The following THSD7B variants were observed in gnomAD, a reference collection of about 807,000 sequenced individuals.
The protein encoded by THSD7B is thrombospondin type 1 domain containing 7B.
THSD7B carries 138 observed loss-of-function variants against 213.6 expected under a neutral mutation model. The ratio of observed to expected loss-of-function variants is 0.65; its 90% CI spans 0.56 to 0.74. The LOEUF is 0.74. Ranked by LOEUF, THSD7B falls within the 30% of genes least tolerant of loss-of-function variation. The probability of loss-of-function intolerance (pLI) is 0.00; values close to 1 mark genes in which losing one functional copy is unlikely to be tolerated. For synonymous variants in THSD7B, 742 were observed against 687.0 expected (o/e 1.08, Z -1.25); for missense variants, 1,931 against 1,991.5 (o/e 0.97, Z 0.58).
At chr2:137,006,894 A>C (rs1293152334) in intron 2 of THSD7B, among the ~76,000 whole-genome samples, 1 of 152,154 alleles carries the variant, frequency 6.6e-6, no homozygotes, top group Non-Finnish European at 1.5e-5. Flanking sequence ...ACCAGCACTA[A>C]TGTTGGACAC....
intron 7 of THSD7B, among the ~76,000 whole-genome samples, chr2:137,183,644 C>T (rs1402001470): frequency 6.6e-6 from 1 of 151,890 alleles, no homozygotes; most frequent in Non-Finnish European, 1.5e-5. Context: ...TGGCATATCC[C>T]TCTGGTAATA....
At chr2:136,991,051 T>A in intron 2 of THSD7B, 1 of 882,778 alleles carries the variant, frequency 1.1e-6, no homozygotes, top group Non-Finnish European at 1.6e-6. Flanking sequence ...GGTTATGTGT[T>A]AAATAAAAAG....
At chr2:136,781,444 TA>T (rs1489059066) in intron 1 of THSD7B, among the ~76,000 whole-genome samples, 28 of 139,506 alleles carry the variant, frequency 2.0e-4, no homozygotes, top group African/African-American at 5.0e-4. Context: ...TTTTTTTTTT[TA>T]AATTTTTTTA....
intron 3 of THSD7B, among the ~76,000 whole-genome samples, chr2:137,066,669 G>A (rs911875920): frequency 6.6e-6 from 1 of 152,062 alleles, no homozygotes; most frequent in Non-Finnish European, 1.5e-5. Flanking sequence ...ATGCTTGGAC[G>A]TGGATATTTT....
At position 137,155,684 on chromosome 2, in the gene THSD7B, C is replaced by T. The variant is rs144362997; in HGVS notation, c.1370-4529C>T. Among the ~76,000 whole-genome samples the T allele has an allele frequency of 3.2e-3, 488 of 152,290 alleles. 4 individuals carry two copies. Among genetic ancestry groups the T allele is most frequent in the African/African-American group, 0.011 (449 of 41,568 alleles). Reference sequence around the variant, plus strand: ...CATTTGAACTGGAGCAAATTTTGGTCTCACTGCCTCCTTGATGGGGACCAT... The same window carrying T: ...CATTTGAACTGGAGCAAATTTTGGTTTCACTGCCTCCTTGATGGGGACCAT... On this transcript the variant is annotated intron_variant, in intron 5 of 27. Transcript: ENST00000409968.
intron 27 of THSD7B, among the ~76,000 whole-genome samples, chr2:137,672,824 C>A (rs920952969): frequency 6.6e-6 from 1 of 152,144 alleles, no homozygotes; most frequent in African/African-American, 2.4e-5. Context: ...AAATACTAGC[C>A]TTTGAACATC....
chr2:137,394,495 G>A (rs1686122504), intron 12 of THSD7B, among the ~76,000 whole-genome samples: 1 of 137,160 alleles, frequency 7.3e-6, no homozygotes, highest in African/African-American at 2.7e-5. Flanking sequence ...TATTTCTGAG[G>A]GCTGTGTTCT....
At chr2:136,946,953 G>A (rs569312957) in intron 2 of THSD7B, among the ~76,000 whole-genome samples, 1 of 152,324 alleles carries the variant, frequency 6.6e-6, no homozygotes, top group African/African-American at 2.4e-5. Context: ...GTGAGGTGAT[G>A]CCCTGCCCCG....
At chr2:136,771,795 A>T (rs1460798807) in intron 1 of THSD7B, among the ~76,000 whole-genome samples, 1 of 152,094 alleles carries the variant, frequency 6.6e-6, no homozygotes, top group African/African-American at 2.4e-5. Context: ...ACCACTCTCT[A>T]CTGAGAATTC....
chr2:137,448,598 A>G (rs749690563), intron 14 of THSD7B, among the ~76,000 whole-genome samples: 11 of 152,100 alleles, frequency 7.2e-5, no homozygotes, highest in Non-Finnish European at 1.6e-4. Flanking sequence ...TCACGAGGTC[A>G]GGAGATTGAC....
chr2:137,468,910 G>A (rs1306615525), intron 15 of THSD7B, among the ~76,000 whole-genome samples: 2 of 152,042 alleles, frequency 1.3e-5, no homozygotes, highest in Admixed American at 6.6e-5. Context: ...TTAATGTATC[G>A]GTGTGGTCAA....
At chr2:137,558,401 G>A (rs181504164) in intron 15 of THSD7B, among the ~76,000 whole-genome samples, 34 of 152,252 alleles carry the variant, frequency 2.2e-4, no homozygotes, top group Admixed American at 1.8e-3. Flanking sequence ...ATGCAAGGCT[G>A]GTTCAACATA....
chr2:137,418,685 C>T (rs1283180453), intron 14 of THSD7B, among the ~76,000 whole-genome samples: 1 of 150,892 alleles, frequency 6.6e-6, no homozygotes, highest in Non-Finnish European at 1.5e-5. Flanking sequence ...AACCTCTCTT[C>T]ATCCCTCCTA....
At chr2:137,322,518 C>T (rs552215083) in intron 12 of THSD7B, among the ~76,000 whole-genome samples, 8 of 152,218 alleles carry the variant, frequency 5.3e-5, no homozygotes, top group East Asian at 3.9e-4. Context: ...TTATATATAA[C>T]GAGACTGAAT....
intron 2 of THSD7B, among the ~76,000 whole-genome samples, chr2:136,948,174 A>G (rs937464165): frequency 6.6e-6 from 1 of 152,138 alleles, no homozygotes; most frequent in Non-Finnish European, 1.5e-5. Context: ...GACTGAATGC[A>G]TGAAAACCAT....
At chr2:137,059,432 A>G (rs896591409) in intron 3 of THSD7B, among the ~76,000 whole-genome samples, 1 of 152,104 alleles carries the variant, frequency 6.6e-6, no homozygotes, top group South Asian at 2.1e-4. Flanking sequence ...TGTACATTCT[A>G]TTGGTTTGAC....
At chr2:136,914,655 C>T (rs1573707691) in intron 2 of THSD7B, among the ~76,000 whole-genome samples, 1 of 152,136 alleles carries the variant, frequency 6.6e-6, no homozygotes, top group Admixed American at 6.6e-5. Flanking sequence ...TCTGCTTTTG[C>T]TTCTTCCTCA....
intron 2 of THSD7B, among the ~76,000 whole-genome samples, chr2:136,967,583 G>A (rs1204474429): frequency 1.3e-5 from 2 of 151,986 alleles, no homozygotes; most frequent in East Asian, 3.8e-4. Context: ...CAAAATATGT[G>A]TTTATTTGAT....
intron 4 of THSD7B, among the ~76,000 whole-genome samples, chr2:137,110,368 C>T (rs1191920563): frequency 1.3e-5 from 2 of 152,186 alleles, no homozygotes; most frequent in Non-Finnish European, 2.9e-5. Context: ...GTCTAGTCAA[C>T]CTGCTTTTTA....
Sources: gnomAD v4.1 joint callset for allele counts (sites outside exome capture counted in the v4.1 genomes callset) on GRCh38, gnomAD v4.1.1 for gene constraint, MANE v1.5 for transcripts, NCBI Gene and HGNC (gene_info 2026-07-23, HGNC 2026-07-21) for gene names.